Variants in MGAT4C observed in about 807,000 individuals in gnomAD.
MGAT4C encodes alpha-1,3-mannosyl-glycoprotein 4-beta-N-acetylglucosaminyltransferase C.
A neutral mutation model predicts 40.1 loss-of-function variants in MGAT4C; 19 were observed. The ratio of observed to expected loss-of-function variants is 0.47; its 90% CI spans 0.33 to 0.70. The LOEUF is 0.70. Ranked by LOEUF, MGAT4C falls within the 30% of genes least tolerant of loss-of-function variation. The probability of loss-of-function intolerance (pLI) is 0.02; values close to 1 mark genes in which losing one functional copy is unlikely to be tolerated. For missense variants in MGAT4C, 491 were observed against 563.2 expected (o/e 0.87, Z 1.30); for synonymous variants, 181 against 187.1 (o/e 0.97, Z 0.27).
At chr12:86,173,473 A>G (rs1887066265) in intron 1 of MGAT4C, among the ~76,000 whole-genome samples, 1 of 152,136 alleles carries the variant, frequency 6.6e-6, no homozygotes, top group Non-Finnish European at 1.5e-5. Flanking sequence ...TATTCAAAAT[A>G]TTGTTTATTT....
At chr12:86,492,892 A>T (rs1258067500) in intron 2 of MGAT4C, among the ~76,000 whole-genome samples, 1 of 152,068 alleles carries the variant, frequency 6.6e-6, no homozygotes, top group East Asian at 1.9e-4. Flanking sequence ...TTTGCAACCT[A>T]CTCATCTGAC....
chr12:86,607,097 T>A (rs1427983404), intron 2 of MGAT4C, among the ~76,000 whole-genome samples: 1 of 151,952 alleles, frequency 6.6e-6, no homozygotes, highest in South Asian at 2.1e-4. Flanking sequence ...TTTAAAAGAG[T>A]AATACTTGAG....
At chr12:86,517,989 G>C (rs1431134460) in intron 2 of MGAT4C, among the ~76,000 whole-genome samples, 1 of 152,072 alleles carries the variant, frequency 6.6e-6, no homozygotes, top group African/African-American at 2.4e-5. Flanking sequence ...TGGGGTAAAG[G>C]ATAGGGGTCC....
At chr12:86,224,177 T>A (rs1410242396) in intron 1 of MGAT4C, among the ~76,000 whole-genome samples, 1 of 151,912 alleles carries the variant, frequency 6.6e-6, no homozygotes, top group Non-Finnish European at 1.5e-5. Context: ...CCATCTGGCA[T>A]CCCAACAGAT....
rs1314074450 is a variant in MGAT4C at position 86,246,178 on chromosome 12, GC to G, written c.-57+10060del. On this transcript the variant is annotated intron_variant, in intron 1 of 4. Transcript: ENST00000611864. ...CATGAATATCTCCTAGTGTACCATT[GC>G]TTTTTTTTTTTTTTTTTTTTTTTTG... Among the ~76,000 whole-genome samples, 6 of 104,788 alleles carry G rather than the reference GC, an allele frequency of 5.7e-5. No homozygotes were observed. The Admixed American group carries it at 7.1e-4, about 12-fold the overall frequency. 68.7% of individuals were successfully genotyped at this position (104,788 alleles called of 152,430 possible).
chr12:86,692,892 G>T (rs1292076954), intron 2 of MGAT4C, among the ~76,000 whole-genome samples: 2 of 152,086 alleles, frequency 1.3e-5, no homozygotes, highest in Admixed American at 6.6e-5. Context: ...ATCATGTATG[G>T]CATGGAAGAA....
intron 2 of MGAT4C, among the ~76,000 whole-genome samples, chr12:86,443,324 C>A (rs1486768619): frequency 6.6e-6 from 1 of 152,068 alleles, no homozygotes; most frequent in Admixed American, 6.5e-5. Flanking sequence ...TGGATGTTTT[C>A]TATTAAAGTG....
At chr12:86,765,966 G>A (rs1337395307) in intron 1 of MGAT4C, among the ~76,000 whole-genome samples, 1 of 152,116 alleles carries the variant, frequency 6.6e-6, no homozygotes, top group Non-Finnish European at 1.5e-5. Flanking sequence ...CAACTAATGA[G>A]TAAAATAACC....
At chr12:86,470,557 C>G (rs578031775) in intron 2 of MGAT4C, among the ~76,000 whole-genome samples, 2 of 152,034 alleles carry the variant, frequency 1.3e-5, no homozygotes, top group Non-Finnish European at 2.9e-5. Context: ...AGCTTATTTG[C>G]TTTTTTATTT....
chr12:86,697,148 T>C (rs1182883389), intron 2 of MGAT4C, among the ~76,000 whole-genome samples: 1 of 152,150 alleles, frequency 6.6e-6, no homozygotes, highest in Non-Finnish European at 1.5e-5. Flanking sequence ...CATAGGTGAT[T>C]GGTAATCCAA....
chr12:86,819,112 T>C (rs1952657845), intron 1 of MGAT4C, among the ~76,000 whole-genome samples: 1 of 151,090 alleles, frequency 6.6e-6, no homozygotes, highest in Admixed American at 6.6e-5. Context: ...ATGAGGAAAT[T>C]GCATATTTTT....
chr12:86,769,825 T>G (rs189412652), intron 1 of MGAT4C, among the ~76,000 whole-genome samples: 1 of 151,802 alleles, frequency 6.6e-6, no homozygotes, highest in Non-Finnish European at 1.5e-5. Flanking sequence ...TGAGAACACA[T>G]GGACACAGGA....
intron 1 of MGAT4C, among the ~76,000 whole-genome samples, chr12:86,783,463 T>C (rs920146598): frequency 6.6e-6 from 1 of 152,124 alleles, no homozygotes; most frequent in Non-Finnish European, 1.5e-5. Context: ...CTTATCCATC[T>C]TCCCTTCAAG....
chr12:86,368,781 A>G (rs1051429995), intron 3 of MGAT4C, among the ~76,000 whole-genome samples: 8 of 127,772 alleles, frequency 6.3e-5, no homozygotes, highest in African/African-American at 2.0e-4. Context: ...AAATTTATTA[A>G]AAGTTATTTT....
intron 1 of MGAT4C, among the ~76,000 whole-genome samples, chr12:86,796,927 AT>A (rs1427530130): frequency 6.6e-6 from 1 of 151,940 alleles, no homozygotes; most frequent in African/African-American, 2.4e-5. Flanking sequence ...TCCATTAAAA[AT>A]ATTTGAAATT....
chr12:86,186,129 G>C (rs1223720345), intron 1 of MGAT4C, among the ~76,000 whole-genome samples: 1 of 152,136 alleles, frequency 6.6e-6, no homozygotes, highest in Non-Finnish European at 1.5e-5. Flanking sequence ...AGAGGTACCT[G>C]TTGGATAGAC....
At chr12:86,362,841 T>TGG (rs997188232) in intron 3 of MGAT4C, among the ~76,000 whole-genome samples, 4 of 116,036 alleles carry the variant, frequency 3.4e-5, no homozygotes, top group Non-Finnish European at 6.4e-5. Context: ...CACTCCCGCC[T>TGG]GGGTGACAGA....
intron 1 of MGAT4C, among the ~76,000 whole-genome samples, chr12:86,150,126 C>A (rs916319762): frequency 6.6e-6 from 1 of 152,124 alleles, no homozygotes; most frequent in African/African-American, 2.4e-5. Context: ...ATAAGAAGTA[C>A]ACAACCTAAA....
chr12:86,684,384 G>A (rs1349748568), intron 2 of MGAT4C, among the ~76,000 whole-genome samples: 2 of 152,162 alleles, frequency 1.3e-5, no homozygotes, highest in African/African-American at 2.4e-5. Flanking sequence ...TGGCAGCATA[G>A]TATTCCATGG....
Sources: allele counts gnomAD v4.1 joint callset (sites outside exome capture counted in the v4.1 genomes callset), GRCh38; gene constraint gnomAD v4.1.1; transcripts MANE v1.5; gene names NCBI Gene and HGNC (gene_info 2026-07-23, HGNC 2026-07-21).